Variants in R3HDM1 observed in about 807,000 individuals in gnomAD.
The protein encoded by R3HDM1 is R3H domain containing 1.
Under a neutral mutation model 141.1 loss-of-function variants are expected in R3HDM1, and 46 were observed. The observed-to-expected ratio is 0.33, with a 90% CI of 0.26 to 0.42. The LOEUF (loss-of-function observed/expected upper bound fraction) is 0.42, where lower values mean the gene tolerates loss of function less well. Among genes scored for constraint, R3HDM1 ranks in the 10% least tolerant of loss-of-function variants. R3HDM1 has a pLI of 1.00. For synonymous variants in R3HDM1, 435 were observed against 472.9 expected (o/e 0.92, Z 1.04); for missense variants, 1,184 against 1,368.3 (o/e 0.87, Z 2.12).
chr2:135,586,511 G>A (rs1052377398), intron 1 of R3HDM1: 2 of 170,062 alleles, frequency 1.2e-5, no homozygotes, highest in Non-Finnish European at 1.2e-5. Flanking sequence ...ATGAAGGTAT[G>A]TGACTCAATT....
chr2:135,651,658 GA>G, intron 17 of R3HDM1, 71 bp from the exon 18 acceptor site: 1 of 1,490,530 alleles, frequency 6.7e-7, no homozygotes, highest in Non-Finnish European at 8.9e-7. Flanking sequence ...TTAAAAATAG[GA>G]AGTATTTTTC....
At chr2:135,691,611 AAGT>A (rs979715246) in intron 21 of R3HDM1, among the ~76,000 whole-genome samples, 1 of 151,892 alleles carries the variant, frequency 6.6e-6, no homozygotes, top group Non-Finnish European at 1.5e-5. Flanking sequence ...AAAAAAACAG[AAGT>A]AAAGAGATTT....
rs541423067 is a variant in R3HDM1 at position 135,723,778 on chromosome 2, CAAAAAAA to C, written c.3050-138_3050-132del. 1.7e-3 allele frequency among the ~76,000 whole-genome samples: 94 copies of C among 55,298 alleles called. 2 individuals carry two copies. The highest frequency in any genetic ancestry group is 7.2e-3 in the East Asian group (15 of 2,092). The allele number at this position is 55,298 out of a possible 152,430, so 36.3% of individuals were successfully genotyped here. ...GGAGACAGAGTCAGACTCCATCTCC[CAAAAAAA>C]AAAAAAAAAAAAAAAAAAAAGATGG... On this transcript the variant is annotated intron_variant, in intron 26 of 26. Transcript: ENST00000683871.
chr2:135,679,647 A>G (rs1472100190), intron 20 of R3HDM1, among the ~76,000 whole-genome samples: 1 of 152,210 alleles, frequency 6.6e-6, no homozygotes, highest in African/African-American at 2.4e-5. Context: ...TCATAATTTA[A>G]TGCATCAGCC....
chr2:135,622,984 C>T, intron 7 of R3HDM1: 1 of 981,688 alleles, frequency 1.0e-6, no homozygotes, highest in African/African-American at 1.7e-5. Flanking sequence ...TATTTAGGCT[C>T]TTGATTGAGT....
intron 3 of R3HDM1, among the ~76,000 whole-genome samples, chr2:135,614,412 T>A (rs2060824758): frequency 6.6e-6 from 1 of 152,212 alleles, no homozygotes; most frequent in Non-Finnish European, 1.5e-5. Flanking sequence ...CCTTTAATAA[T>A]CGATTACATT....
intron 21 of R3HDM1, among the ~76,000 whole-genome samples, chr2:135,680,865 T>A (rs1287206881): frequency 1.3e-5 from 2 of 152,214 alleles, no homozygotes; most frequent in African/African-American, 4.8e-5. Context: ...CTCTTGTGCC[T>A]AAAAATTAGG....
At chr2:135,722,651 C>T (rs989373299) in intron 26 of R3HDM1, 98 bp downstream of exon 26, 1 of 1,184,266 alleles carries the variant, frequency 8.4e-7, no homozygotes, top group African/African-American at 1.6e-5. Flanking sequence ...TCCTAGAATC[C>T]TGCAAAAAGT....
At position 135,709,479 on chromosome 2, in the gene R3HDM1, T is replaced by G. The variant is rs764642669; in HGVS notation, c.2506T>G (p.Phe836Val). Residue 836 changes from phenylalanine to valine, a missense_variant, in exon 22 of 27, where the codon TTT becomes GTT. Physicochemically the swap from Phe to Val is conservative, Grantham distance 50. Transcript: ENST00000683871. ...LQHPGSEQVQ[F>V]PRTTSPCSSQ... ...ACATCCAGGATCAGAACAAGTACAA[T>G]TTCCTCGAACCACTTCACCATGCAG... The G allele has an allele frequency of 4.3e-6, 7 of 1,614,014 alleles. No individual in the cohort carries two copies. The highest frequency in any genetic ancestry group is 3.3e-5 in the South Asian group (3 of 91,082).
intron 18 of R3HDM1, among the ~76,000 whole-genome samples, chr2:135,656,143 A>T (rs1574763196): frequency 1.1e-5 from 1 of 91,936 alleles, no homozygotes; most frequent in African/African-American, 8.9e-5. Context: ...TGACTCATAC[A>T]TACATTTTTC....
intron 1 of R3HDM1, chr2:135,543,184 T>G (rs1697987913): frequency 1.5e-6 from 1 of 654,240 alleles, no homozygotes; most frequent in South Asian, 6.9e-5. Context: ...TTTATTTTTA[T>G]ACGTGAATAT....
rs2065184944 is a variant in R3HDM1 at position 135,651,873 on chromosome 2, CCCTCCACCACATCCT to C, written c.1878_1892del (p.His627_Pro631del). The C allele has an allele frequency of 3.7e-6, 6 of 1,613,842 alleles. No homozygotes were observed. Among genetic ancestry groups the C allele is most frequent in the Admixed American group, 3.3e-5 (2 of 59,970 alleles). On this transcript the variant is annotated inframe_deletion, in exon 18 of 27. Transcript: ENST00000683871. ...AGTCTGGTTATATCATGACAGCAGCCCCTCCACCACATCCTCCTCCACCGCCACCACCACCACCTC... is the reference window on the plus strand; with the variant it reads ...AGTCTGGTTATATCATGACAGCAGCCCCTCCACCGCCACCACCACCACCTC...
intron 21 of R3HDM1, among the ~76,000 whole-genome samples, chr2:135,690,334 A>G (rs1331607945): frequency 6.6e-6 from 1 of 152,186 alleles, no homozygotes. Context: ...TTCTCTCGTT[A>G]TTAAAAATGA....
intron 11 of R3HDM1, 96 bp downstream of exon 11, chr2:135,636,279 T>G: frequency 6.8e-7 from 1 of 1,470,936 alleles, no homozygotes; most frequent in Non-Finnish European, 9.0e-7. Context: ...ACATTTATTT[T>G]TAATCACATT....
chr2:135,695,322 G>A (rs1182879330), intron 21 of R3HDM1, among the ~76,000 whole-genome samples: 1 of 152,060 alleles, frequency 6.6e-6, no homozygotes, highest in Non-Finnish European at 1.5e-5. Context: ...CTAATAATGA[G>A]GAGAAAAATC....
chr2:135,708,573 A>G (rs536587688), intron 21 of R3HDM1, among the ~76,000 whole-genome samples: 2 of 152,348 alleles, frequency 1.3e-5, no homozygotes, highest in African/African-American at 2.4e-5. Flanking sequence ...TTCTCAGAAT[A>G]GTATCATTCT....
intron 1 of R3HDM1, among the ~76,000 whole-genome samples, chr2:135,569,720 T>G (rs891546506): frequency 2.8e-5 from 4 of 144,840 alleles, no homozygotes; most frequent in Non-Finnish European, 5.9e-5. Context: ...AGTAAGCTCT[T>G]TTTTTTTTGT....
At chr2:135,644,365 T>G (rs1017437670) in intron 15 of R3HDM1, among the ~76,000 whole-genome samples, 1 of 151,744 alleles carries the variant, frequency 6.6e-6, no homozygotes, top group African/African-American at 2.4e-5. Context: ...TAGCCGGGCG[T>G]GGTGGCAGGT....
At chr2:135,702,079 A>G (rs1385900950) in intron 21 of R3HDM1, among the ~76,000 whole-genome samples, 2 of 152,176 alleles carry the variant, frequency 1.3e-5, no homozygotes, top group Non-Finnish European at 2.9e-5. Flanking sequence ...AAGCAACTCA[A>G]GTGTCTATCA....
Sources: allele counts gnomAD v4.1 joint callset (sites outside exome capture counted in the v4.1 genomes callset), GRCh38; gene constraint gnomAD v4.1.1; transcripts MANE v1.5; gene names NCBI Gene and HGNC (gene_info 2026-07-23, HGNC 2026-07-21).